Variants in RYR2 observed in about 807,000 individuals in gnomAD.
RYR2 encodes cardiac muscle ryanodine receptor-calcium release channel.
In RYR2, 227 loss-of-function variants were observed where a neutral mutation model predicts 601.1. That is an observed-to-expected ratio of 0.38 (90% CI 0.34 to 0.42). The LOEUF (loss-of-function observed/expected upper bound fraction) is 0.42. Ranked by LOEUF, RYR2 falls within the 10% of genes least tolerant of loss-of-function variation. The pLI, the probability that RYR2 is intolerant of heterozygous loss-of-function variation, is 1.00. For synonymous variants in RYR2, 2,223 were observed against 2,175.1 expected, an observed-to-expected ratio of 1.02 and a Z score of -0.61; for missense variants, 4,646 against 6,156.5, an observed-to-expected ratio of 0.75 and a Z score of 8.21.
At chr1:237,725,339 T>TA (rs1690103730) in intron 74 of RYR2, among the ~76,000 whole-genome samples, 1 of 152,166 alleles carries the variant, frequency 6.6e-6, no homozygotes, top group Non-Finnish European at 1.5e-5. Flanking sequence ...GTGTTTAATT[T>TA]ATGCCTTTAA....
At chr1:237,144,069 C>T (rs372344336) in intron 1 of RYR2, among the ~76,000 whole-genome samples, 1 of 151,502 alleles carries the variant, frequency 6.6e-6, no homozygotes, top group Non-Finnish European at 1.5e-5. Context: ...GTGGAAGTTG[C>T]AATGAGCTGA....
intron 63 of RYR2, among the ~76,000 whole-genome samples, chr1:237,688,754 A>G (rs1200618414): frequency 6.6e-6 from 1 of 152,168 alleles, no homozygotes; most frequent in Admixed American, 6.5e-5. Flanking sequence ...TCTCAGAATA[A>G]CAGTGGATTC....
chr1:237,282,242 C>T (rs1449375793), intron 2 of RYR2, among the ~76,000 whole-genome samples: 3 of 149,582 alleles, frequency 2.0e-5, no homozygotes, highest in African/African-American at 7.4e-5. Context: ...TTTTGTGGGT[C>T]AGATGTTTTC....
At chr1:237,273,513 C>G (rs1238163412) in intron 2 of RYR2, among the ~76,000 whole-genome samples, 1 of 151,304 alleles carries the variant, frequency 6.6e-6, no homozygotes, top group Non-Finnish European at 1.5e-5. Context: ...GCATTCAAGA[C>G]ACATTTCCCC....
At chr1:237,367,349 C>T (rs1240419858) in intron 5 of RYR2, among the ~76,000 whole-genome samples, 1 of 152,118 alleles carries the variant, frequency 6.6e-6, no homozygotes, top group African/African-American at 2.4e-5. Flanking sequence ...GTCTTGGTCT[C>T]CCAAAGTTCT....
At chr1:237,762,156 T>G (rs983916173) in intron 84 of RYR2, among the ~76,000 whole-genome samples, 12 of 152,214 alleles carry the variant, frequency 7.9e-5, no homozygotes, top group Admixed American at 1.3e-4. Context: ...ATATGGTTAC[T>G]AAACTGAGTT....
At chr1:237,574,077 A>G (rs1672984190) in intron 29 of RYR2, among the ~76,000 whole-genome samples, 1 of 152,128 alleles carries the variant, frequency 6.6e-6, no homozygotes, top group African/African-American at 2.4e-5. Flanking sequence ...TAAAGGCCGC[A>G]TTGTCTATGT....
chr1:237,135,056 AT>A (rs1193222961), intron 1 of RYR2, among the ~76,000 whole-genome samples: 7 of 152,356 alleles, frequency 4.6e-5, no homozygotes, highest in African/African-American at 1.7e-4. Flanking sequence ...GGTCAGTTTC[AT>A]TTAACAAGTA....
rs1678633102 is a variant in RYR2, at chr1:237,180,689, TGTATATATAA to T, written c.49-89798_49-89789del. 1.6e-5 allele frequency among the ~76,000 whole-genome samples: 1 copy of T among 61,250 alleles called. No individual in the cohort carries two copies. The highest frequency in any genetic ancestry group is 3.8e-5 in the Non-Finnish European group (1 of 26,278). The allele number at this position is 61,250 out of a possible 152,430, so 40.2% of individuals were successfully genotyped here. ...ATACATGTGTATATATGTGTATATA[TGTATATATAA>T]GTATATATACACATATATACATATA... On this transcript the variant is annotated intron_variant, in intron 1 of 104. Coordinates refer to ENST00000366574, the MANE Select transcript of RYR2 (RefSeq NM_001035.3). The surrounding 1 kb of genome is among the most constrained non-coding windows in gnomAD (Gnocchi z 5.3).
intron 29 of RYR2, among the ~76,000 whole-genome samples, chr1:237,575,258 C>T (rs1673115011): frequency 6.6e-6 from 1 of 152,132 alleles, no homozygotes; most frequent in African/African-American, 2.4e-5. Flanking sequence ...CAGCTTTTAC[C>T]CACAGAGGTA....
intron 1 of RYR2, among the ~76,000 whole-genome samples, chr1:237,107,731 T>C (rs1359711641): frequency 6.6e-6 from 1 of 152,086 alleles, no homozygotes; most frequent in Non-Finnish European, 1.5e-5. Context: ...AGGAAACGTC[T>C]GGACACTTGA....
chr1:237,179,694 C>T (rs549908705), intron 1 of RYR2, among the ~76,000 whole-genome samples: 1 of 152,104 alleles, frequency 6.6e-6, no homozygotes, highest in African/African-American at 2.4e-5. Context: ...ATACCAGCTG[C>T]CCACCAGCTG....
chr1:237,655,807 T>C lies in RYR2; in HGVS notation c.7966-14T>C. 2 of 1,569,502 alleles carry C rather than the reference T, an allele frequency of 1.3e-6. No individual in the cohort carries two copies. Among genetic ancestry groups the C allele is most frequent in the Admixed American group, 2.0e-5 (1 of 50,426 alleles). ...ATATAGTAATTTTTTTTTTTGGTCCTCCATTTTTCCCAGAAATATGAACAA... is the reference window on the plus strand; with the variant it reads ...ATATAGTAATTTTTTTTTTTGGTCCCCCATTTTTCCCAGAAATATGAACAA... On this transcript the variant is annotated splice_polypyrimidine_tract_variant and intron_variant, in intron 52 of 104. Transcript: ENST00000366574.
chr1:237,595,908 C>T lies in RYR2; in HGVS notation c.4596+251C>T, dbSNP rs76675384. Reference sequence around the variant, plus strand: ...CAATCACCACCACAAATGCCTGTAGCGAGACCACTGAGGCACTTGCAGATG... The same window carrying T: ...CAATCACCACCACAAATGCCTGTAGTGAGACCACTGAGGCACTTGCAGATG... On this transcript the variant is annotated intron_variant, in intron 34 of 104. Coordinates refer to ENST00000366574, the MANE Select transcript of RYR2 (RefSeq NM_001035.3). Among the ~76,000 whole-genome samples, 512 of 152,128 alleles carry T rather than the reference C, an allele frequency of 3.4e-3. 2 individuals carry two copies. The highest frequency in any genetic ancestry group is 0.011 in the African/African-American group (477 of 41,514).
Position 237,706,933 on chromosome 1 carries a change from A to G in RYR2, c.9581-16A>G. ...CTTTCTTTGAATATCATCCATTTTT[A>G]TATGTACTTCTCCAGCTCTCAGTTT... On this transcript the variant is annotated splice_polypyrimidine_tract_variant and intron_variant, in intron 67 of 104. Transcript: ENST00000366574. 6.3e-7 allele frequency: 1 copy of G among 1,593,302 alleles called. No homozygotes were observed. The highest frequency in any genetic ancestry group is 2.2e-5 in the East Asian group (1 of 44,614).
intron 1 of RYR2, among the ~76,000 whole-genome samples, chr1:237,057,704 G>A (rs915677910): frequency 2.0e-5 from 3 of 152,144 alleles, no homozygotes; most frequent in African/African-American, 7.2e-5. Flanking sequence ...TCTCATGAAA[G>A]AGACCATAAT....
At chr1:237,409,014 T>C (rs1294074015) in intron 10 of RYR2, among the ~76,000 whole-genome samples, 1 of 152,166 alleles carries the variant, frequency 6.6e-6, no homozygotes, top group Non-Finnish European at 1.5e-5. Flanking sequence ...TGTATTAATG[T>C]CCTGAAACTT....
intron 1 of RYR2, among the ~76,000 whole-genome samples, chr1:237,086,433 C>T (rs530272273): frequency 6.6e-5 from 10 of 152,166 alleles, no homozygotes; most frequent in South Asian, 4.2e-4. Context: ...CTTTAACATA[C>T]GAATTTTGTA....
In RYR2 at chr1:237,761,257, C is replaced by G. The variant is rs553025478; in HGVS notation, c.11476+229C>G. ...CCAGCCCCATTGCCAGCTGCCTTTC[C>G]CCTTATTGGGTTTTCAATGAGGAAT... is the stretch of plus-strand genomic sequence containing the variant. On this transcript the variant is annotated intron_variant, in intron 84 of 104. Transcript: ENST00000366574. 1.4e-4 allele frequency among the ~76,000 whole-genome samples: 21 copies of G among 152,254 alleles called. No homozygotes were observed. The South Asian group carries it at 4.4e-3, about 32-fold the overall frequency.
Sources: allele counts gnomAD v4.1 joint callset (sites outside exome capture counted in the v4.1 genomes callset), GRCh38; gene constraint gnomAD v4.1.1; non-coding constraint Gnocchi (gnomAD v3.1); transcripts MANE v1.5; gene names NCBI Gene and HGNC (gene_info 2026-07-23, HGNC 2026-07-21).